The following MTA3 variants were observed in gnomAD, a reference collection of about 807,000 sequenced individuals.
MTA3 encodes metastasis-associated protein MTA3.
In MTA3, 34 loss-of-function variants were observed where a neutral mutation model predicts 83.5. The observed-to-expected ratio is 0.41, with a 90% CI of 0.31 to 0.54. MTA3 has a LOEUF of 0.54. MTA3 is among the 20% of genes least tolerant of loss of function. MTA3 has a pLI of 0.33. For synonymous variants in MTA3, 303 were observed against 252.7 expected (o/e 1.20, Z -1.89); for missense variants, 761 against 726.4 (o/e 1.05, Z -0.55).
At chr2:42,611,244 A>G (rs1684173559) in intron 4 of MTA3, among the ~76,000 whole-genome samples, 1 of 151,616 alleles carries the variant, frequency 6.6e-6, no homozygotes, top group Non-Finnish European at 1.5e-5. Context: ...CAGCCTTCCA[A>G]AGTGCTGGGA....
chr2:42,550,142 G>T (rs1221396154), intron 2 of MTA3, among the ~76,000 whole-genome samples: 2 of 152,112 alleles, frequency 1.3e-5, no homozygotes, highest in East Asian at 1.9e-4. Flanking sequence ...GCAAGCTGAG[G>T]TTGCTAAGAT....
intron 2 of MTA3, among the ~76,000 whole-genome samples, chr2:42,522,520 G>T (rs761614864): frequency 6.6e-6 from 1 of 152,190 alleles, no homozygotes; most frequent in African/African-American, 2.4e-5. Flanking sequence ...GAGGGACCCA[G>T]TGCGGTGGCT....
intron 8 of MTA3, among the ~76,000 whole-genome samples, chr2:42,672,347 A>G (rs1489438055): frequency 2.6e-5 from 4 of 151,600 alleles, no homozygotes; most frequent in Admixed American, 2.6e-4. Context: ...CTCTATTAAA[A>G]AAAAAAAAAA....
rs573207062 is a variant in MTA3 at position 42,556,148 on chromosome 2, A to AG, written c.-140-14289_-140-14288insG. Among the ~76,000 whole-genome samples the AG allele has an allele frequency of 7.6e-4, 116 of 152,002 alleles. 1 individual carries two copies. The highest frequency in any genetic ancestry group is 2.7e-3 in the African/African-American group (112 of 41,502). ...AAGGAGATGGAGCTCCCTGGGGAAA[A>AG]AAAAAGCAGCCTGAGGCATGCAGCC... is the stretch of plus-strand genomic sequence containing the variant. On this transcript the variant is annotated intron_variant, in intron 2 of 17. Coordinates refer to the MTA3 transcript ENST00000405592.
intron 2 of MTA3, among the ~76,000 whole-genome samples, chr2:42,558,436 G>A (rs1324955210): frequency 1.3e-5 from 2 of 151,904 alleles, no homozygotes; most frequent in Non-Finnish European, 2.9e-5. Context: ...TTTTAGTAGA[G>A]ATGGGGTTTC....
chr2:42,675,611 T>G (rs138579334), intron 8 of MTA3, among the ~76,000 whole-genome samples: 4 of 152,202 alleles, frequency 2.6e-5, no homozygotes, highest in Non-Finnish European at 4.4e-5. Flanking sequence ...TCCTCTCCAG[T>G]TAGGAAATCA....
chr2:42,748,497 C>G (rs1251557547), intron 16 of MTA3, among the ~76,000 whole-genome samples: 1 of 152,116 alleles, frequency 6.6e-6, no homozygotes, highest in Non-Finnish European at 1.5e-5. Context: ...TTAGTCCCAT[C>G]CAACACATTT....
intron 14 of MTA3, among the ~76,000 whole-genome samples, chr2:42,716,130 A>G (rs1411082347): frequency 6.6e-6 from 1 of 152,176 alleles, no homozygotes; most frequent in Non-Finnish European, 1.5e-5. Flanking sequence ...ATTCAACAAT[A>G]GGTGAAAAGC....
intron 8 of MTA3, among the ~76,000 whole-genome samples, chr2:42,667,636 A>T (rs1200080948): frequency 6.0e-5 from 9 of 150,058 alleles, no homozygotes; most frequent in African/African-American, 2.0e-4. Context: ...AGAGAGAGAG[A>T]GAGAGAGAGA....
chr2:42,589,232 T>C (rs1025226880), intron 3 of MTA3, among the ~76,000 whole-genome samples: 1 of 152,212 alleles, frequency 6.6e-6, no homozygotes, highest in Non-Finnish European at 1.5e-5. Context: ...CATTAAAATA[T>C]ACGTTTGTGT....
intron 5 of MTA3, among the ~76,000 whole-genome samples, chr2:42,641,216 T>G (rs940031684): frequency 1.3e-5 from 2 of 151,614 alleles, no homozygotes; most frequent in Non-Finnish European, 2.9e-5. Flanking sequence ...CGGTTTTTTT[T>G]TTTTTTTTTT....
intron 14 of MTA3, among the ~76,000 whole-genome samples, chr2:42,716,736 T>C (rs913751882): frequency 1.4e-4 from 21 of 152,224 alleles, no homozygotes; most frequent in Admixed American, 6.5e-5. Context: ...CTATCATTGG[T>C]GGATATTTAG....
At chr2:42,507,602 G>A (rs1401107005) in intron 2 of MTA3, among the ~76,000 whole-genome samples, 1 of 150,540 alleles carries the variant, frequency 6.6e-6, no homozygotes. Flanking sequence ...TTTTTTAACT[G>A]TGTGAAAAGA....
At chr2:42,538,995 C>T (rs1198077256) in intron 2 of MTA3, among the ~76,000 whole-genome samples, 2 of 150,982 alleles carry the variant, frequency 1.3e-5, no homozygotes, top group Non-Finnish European at 2.9e-5. Context: ...AGGATGGTCT[C>T]GATCTCCTGA....
At chr2:42,723,219 C>A in intron 16 of MTA3, 184 bp downstream of exon 16, 1 of 682,812 alleles carries the variant, frequency 1.5e-6, no homozygotes. Context: ...GTTCTCCATC[C>A]CATCAGGAGG....
intron 2 of MTA3, among the ~76,000 whole-genome samples, chr2:42,547,026 T>C (rs1676787322): frequency 6.6e-6 from 1 of 152,164 alleles, no homozygotes; most frequent in South Asian, 2.1e-4. Context: ...GACTTTAAAC[T>C]GCAGAGGTTC....
intron 2 of MTA3, among the ~76,000 whole-genome samples, chr2:42,574,892 A>G (rs1678882161): frequency 6.6e-6 from 1 of 152,240 alleles, no homozygotes; most frequent in Non-Finnish European, 1.5e-5. Flanking sequence ...CACCAAGTGA[A>G]GAGAATGGCC....
intron 4 of MTA3, among the ~76,000 whole-genome samples, chr2:42,638,019 A>G (rs1687348663): frequency 6.6e-6 from 1 of 152,038 alleles, no homozygotes; most frequent in Non-Finnish European, 1.5e-5. Flanking sequence ...TTTCTTCTCC[A>G]CTATCACTGT....
intron 2 of MTA3, among the ~76,000 whole-genome samples, chr2:42,550,448 G>C (rs1398123730): frequency 6.6e-6 from 1 of 152,184 alleles, no homozygotes; most frequent in Non-Finnish European, 1.5e-5. Flanking sequence ...TAATGGAGGT[G>C]TTAGTGCTCT....
Sources: gnomAD v4.1 joint callset for allele counts (sites outside exome capture counted in the v4.1 genomes callset) on GRCh38, gnomAD v4.1.1 for gene constraint, MANE v1.5 for transcripts, NCBI Gene and HGNC (gene_info 2026-07-23, HGNC 2026-07-21) for gene names.